MYO5A: variants seen among roughly 807,000 people sequenced by gnomAD.
MYO5A encodes myosin VA, also known as unconventional myosin-Va.
Under a neutral mutation model 249.7 loss-of-function variants are expected in MYO5A, and 98 were observed. That is an observed-to-expected ratio of 0.39 (90% CI 0.33 to 0.46). The LOEUF (loss-of-function observed/expected upper bound fraction) is 0.46. Among genes scored for constraint, MYO5A ranks in the 20% least tolerant of loss-of-function variants. MYO5A has a pLI of 0.98. For missense variants in MYO5A, 1,696 were observed against 2,308.8 expected, an observed-to-expected ratio of 0.73 and a Z score of 5.44; for synonymous variants, 778 against 810.6, an observed-to-expected ratio of 0.96 and a Z score of 0.68.
chr15:52,510,352 T>C (rs902354623), intron 1 of MYO5A, among the ~76,000 whole-genome samples: 8 of 152,232 alleles, frequency 5.3e-5, no homozygotes, highest in Admixed American at 2.6e-4. Flanking sequence ...TTCACCACTA[T>C]GACAGTTATC....
At chr15:52,353,708 A>G (rs753668011) in intron 26 of MYO5A, 50 bp from the exon 27 acceptor site, 1 of 1,595,274 alleles carries the variant, frequency 6.3e-7, no homozygotes, top group Non-Finnish European at 8.6e-7. Context: ...TTTTACTCTT[A>G]AAATATTTAC....
intron 36 of MYO5A, among the ~76,000 whole-genome samples, chr15:52,326,685 A>T (rs922659163): frequency 1.8e-4 from 27 of 152,252 alleles, no homozygotes; most frequent in Non-Finnish European, 3.1e-4. Context: ...CTGTACACTT[A>T]AAAATGGTGA....
chr15:52,340,650 G>C (rs554570940), intron 31 of MYO5A, among the ~76,000 whole-genome samples: 2 of 152,240 alleles, frequency 1.3e-5, no homozygotes, highest in African/African-American at 4.8e-5. Flanking sequence ...TAGTTCTCTT[G>C]AAAGGTTCAT....
intron 32 of MYO5A, 104 bp from the exon 33 acceptor site, chr15:52,337,988 G>A (rs1596310407): frequency 1.3e-6 from 1 of 746,746 alleles, no homozygotes. Flanking sequence ...TACAAATAGT[G>A]AAACTATATA....
intron 30 of MYO5A, 93 bp from the exon 31 acceptor site, chr15:52,343,290 C>A: frequency 9.5e-7 from 1 of 1,048,578 alleles, no homozygotes; most frequent in Non-Finnish European, 1.5e-6. Flanking sequence ...AGTATTTCAA[C>A]ATTTTATAAG....
chr15:52,434,551 G>T (rs1463308133), intron 1 of MYO5A, among the ~76,000 whole-genome samples: 1 of 152,134 alleles, frequency 6.6e-6, no homozygotes, highest in Non-Finnish European at 1.5e-5. Flanking sequence ...CATGAAAAAG[G>T]CATGGTAATC....
At chr15:52,521,169 A>C (rs914817347) in intron 1 of MYO5A, among the ~76,000 whole-genome samples, 6 of 150,734 alleles carry the variant, frequency 4.0e-5, no homozygotes, top group Non-Finnish European at 7.4e-5. Flanking sequence ...CAGAGGTTGC[A>C]GTGAGCTGAG....
chr15:52,518,264 C>CA (rs36190580), intron 1 of MYO5A, among the ~76,000 whole-genome samples: 56 of 107,770 alleles, frequency 5.2e-4, no homozygotes, highest in African/African-American at 1.6e-3. Context: ...ACCCCTCCCA[C>CA]AAAAAAAAAA....
In MYO5A at chr15:52,433,169, T is replaced by A; in HGVS notation, c.138+6A>T. 2 of 1,574,770 alleles carry A rather than the reference T, an allele frequency of 1.3e-6. No individual in the cohort carries two copies. Among genetic ancestry groups the A allele is most frequent in the Non-Finnish European group, 1.7e-6 (2 of 1,144,334 alleles). ...CCAATGACAACAAATGAAAGTGAGA[T>A]CTCACCTTTCCTTCCTCGAGGTGAA... On this transcript the variant is annotated splice_donor_region_variant and intron_variant, in intron 2 of 41. Coordinates refer to ENST00000399233, the MANE Select transcript of MYO5A (RefSeq NM_001382347.1).
intron 40 of MYO5A, among the ~76,000 whole-genome samples, chr15:52,314,731 A>G (rs529754031): frequency 7.2e-5 from 11 of 152,238 alleles, no homozygotes; most frequent in African/African-American, 2.7e-4. Context: ...AAAAGCCCCT[A>G]AAGAAATTAA....
At chr15:52,391,837 G>C (rs2042251274) in intron 12 of MYO5A, 93 bp downstream of exon 12, 1 of 1,323,362 alleles carries the variant, frequency 7.6e-7, no homozygotes, top group Non-Finnish European at 1.1e-6. Flanking sequence ...GGCATTCCAT[G>C]ATATACTAAT....
intron 1 of MYO5A, among the ~76,000 whole-genome samples, chr15:52,511,771 G>A (rs569914125): frequency 2.6e-5 from 4 of 152,296 alleles, no homozygotes; most frequent in Admixed American, 2.6e-4. Context: ...GGCATACTCT[G>A]AGATCCCAAA....
At chr15:52,339,367 C>T (rs750413121) in intron 32 of MYO5A, among the ~76,000 whole-genome samples, 4 of 151,878 alleles carry the variant, frequency 2.6e-5, no homozygotes, top group South Asian at 2.1e-4. Flanking sequence ...TTCTCAAAAT[C>T]GGGCTAGCAC....
At chr15:52,489,323 G>A (rs2076886965) in intron 1 of MYO5A, among the ~76,000 whole-genome samples, 1 of 152,194 alleles carries the variant, frequency 6.6e-6, no homozygotes, top group Admixed American at 6.5e-5. Flanking sequence ...CCAGCACTTT[G>A]GGAGGCCGGG....
intron 30 of MYO5A, among the ~76,000 whole-genome samples, chr15:52,344,801 G>T (rs1001632699): frequency 3.3e-5 from 5 of 152,208 alleles, no homozygotes; most frequent in African/African-American, 1.2e-4. Context: ...ATCTCAGTGA[G>T]AGTAGGAACC....
rs142861895 is a variant in MYO5A, at chr15:52,509,705, G to A, written c.27+19075C>T. Among the ~76,000 whole-genome samples, 11 of 152,316 alleles carry A rather than the reference G, an allele frequency of 7.2e-5. No homozygotes were observed. The East Asian group carries it at 2.1e-3, about 29-fold the overall frequency. ...TCTGACAAGCCAAAGATCAGGCACT[G>A]CTCTCTTGAAAACTGTCACCAAAGG... On this transcript the variant is annotated intron_variant, in intron 1 of 41. Coordinates refer to ENST00000399233, the MANE Select transcript of MYO5A (RefSeq NM_001382347.1).
intron 1 of MYO5A, among the ~76,000 whole-genome samples, chr15:52,454,963 AAAT>A (rs1045633695): frequency 9.3e-4 from 141 of 152,130 alleles, no homozygotes; most frequent in African/African-American, 3.3e-3. Context: ...AGAGGAAAAG[AAAT>A]AATAAAGACC....
At chr15:52,336,683 C>T (rs2039136865) in intron 33 of MYO5A, 127 bp from the exon 34 acceptor site, 1 of 717,748 alleles carries the variant, frequency 1.4e-6, no homozygotes, top group Non-Finnish European at 2.3e-6. Context: ...TTGGTGGAGC[C>T]ACCACCTGGC....
At chr15:52,399,236 A>G (rs1277680634) in intron 9 of MYO5A, among the ~76,000 whole-genome samples, 1 of 152,194 alleles carries the variant, frequency 6.6e-6, no homozygotes, top group Non-Finnish European at 1.5e-5. Context: ...TTTGCTATAT[A>G]TCTTTCGAGG....
Sources: gnomAD v4.1 joint callset for allele counts (sites outside exome capture counted in the v4.1 genomes callset) on GRCh38, gnomAD v4.1.1 for gene constraint, MANE v1.5 for transcripts, NCBI Gene and HGNC (gene_info 2026-07-23, HGNC 2026-07-21) for gene names.